Variants in USH2A observed in about 807,000 individuals in gnomAD.
The protein encoded by USH2A is Usher syndrome 2A (autosomal recessive, mild).
A neutral mutation model predicts 538.9 loss-of-function variants in USH2A; 443 were observed. The observed-to-expected ratio is 0.82, with a 90% CI of 0.76 to 0.89. The LOEUF is 0.89. USH2A is among the 40% of genes least tolerant of loss of function. The pLI is 0.00. For missense variants in USH2A, 6,633 were observed against 6,324.8 expected (o/e 1.05, Z -1.65); for synonymous variants, 2,413 against 2,273.5 (o/e 1.06, Z -1.75).
intron 21 of USH2A, among the ~76,000 whole-genome samples, chr1:216,124,282 T>G (rs115635649): frequency 6.6e-6 from 1 of 152,144 alleles, no homozygotes; most frequent in Non-Finnish European, 1.5e-5. Context: ...GACAACAATA[T>G]ATTAGCCAAA....
At chr1:215,643,056 C>T (rs553521506) in intron 67 of USH2A, among the ~76,000 whole-genome samples, 14 of 152,254 alleles carry the variant, frequency 9.2e-5, no homozygotes, top group African/African-American at 2.4e-4. Flanking sequence ...AGTGCAGTGG[C>T]GCTATCTCGG....
chr1:216,209,762 C>A (rs1266149984), intron 15 of USH2A, among the ~76,000 whole-genome samples: 1 of 152,118 alleles, frequency 6.6e-6, no homozygotes, highest in Non-Finnish European at 1.5e-5. Context: ...GGTCTTTTAT[C>A]CAAGGGTCCT....
At chr1:215,733,989 T>C (rs562407973) in intron 60 of USH2A, among the ~76,000 whole-genome samples, 1 of 152,342 alleles carries the variant, frequency 6.6e-6, no homozygotes, top group African/African-American at 2.4e-5. Flanking sequence ...AGCGCCCTGA[T>C]GGAGACTCTG....
Position 215,934,748 on chromosome 1 carries a change from C to A in USH2A, c.7168G>T (p.Gly2390Ter), listed in dbSNP as rs376983577. ...AGCACCCAAAGGTTTGTCTCTTCTCCGCTGTACATGACTTTTGTGACATTC... is the reference window on the plus strand; with the variant it reads ...AGCACCCAAAGGTTTGTCTCTTCTCAGCTGTACATGACTTTTGTGACATTC... ...LLNVTKVMYS[G>*]EETNLWVLID... is the part of the protein sequence containing the mutation. Residue 2390 changes from glycine (G) to a stop codon, truncating the protein, a stop_gained, in exon 38 of 72, where the codon GGA becomes TGA. Transcript: ENST00000307340. LOFTEE classifies it high-confidence loss of function. 3 of 1,612,608 alleles carry A rather than the reference C, an allele frequency of 1.9e-6. No individual in the cohort carries two copies. The highest frequency in any genetic ancestry group is 2.5e-6 in the Non-Finnish European group (3 of 1,179,018).
At chr1:216,032,997 G>C (rs1319322231) in intron 32 of USH2A, among the ~76,000 whole-genome samples, 1 of 152,168 alleles carries the variant, frequency 6.6e-6, no homozygotes. Flanking sequence ...AGAACTTTGA[G>C]TTAGTACAAG....
chr1:216,099,160 C>T (rs1237637137), intron 21 of USH2A, among the ~76,000 whole-genome samples: 3 of 152,158 alleles, frequency 2.0e-5, no homozygotes, highest in Non-Finnish European at 4.4e-5. Flanking sequence ...GCATCTCCAT[C>T]TTCTACGTTT....
chr1:215,912,574 G>T (rs999948931), intron 38 of USH2A, among the ~76,000 whole-genome samples: 22 of 149,292 alleles, frequency 1.5e-4, no homozygotes, highest in Admixed American at 7.4e-4. Flanking sequence ...TATGCAAAGT[G>T]AACTAGTCAC....
intron 61 of USH2A, among the ~76,000 whole-genome samples, chr1:215,682,933 G>C (rs1296693902): frequency 6.6e-6 from 1 of 151,244 alleles, no homozygotes; most frequent in Non-Finnish European, 1.5e-5. Flanking sequence ...ATCATGGCTC[G>C]GTGCAGCCTT....
intron 32 of USH2A, among the ~76,000 whole-genome samples, chr1:216,010,108 A>C (rs1331711289): frequency 6.6e-6 from 1 of 152,164 alleles, no homozygotes; most frequent in East Asian, 1.9e-4. Context: ...ACCCCACAAC[A>C]GGATTTAATT....
At chr1:215,788,968 C>A (rs565526904) in intron 51 of USH2A, among the ~76,000 whole-genome samples, 1 of 129,318 alleles carries the variant, frequency 7.7e-6, no homozygotes, top group African/African-American at 2.8e-5. Context: ...GGAATCAACA[C>A]AGGAAAGAGG....
Position 216,324,165 on chromosome 1 carries a change from T to C in USH2A, c.1328+3A>G. The C allele has an allele frequency of 6.2e-7, 1 of 1,612,606 alleles. No homozygotes were observed. Among genetic ancestry groups the C allele is most frequent in the Non-Finnish European group, 8.5e-7 (1 of 1,179,246 alleles). ...TAAATTAATTGTTTAAAAATATTCA[T>C]ACTTGGAAAGCTGAAGACAGTTGAC... On this transcript the variant is annotated splice_donor_region_variant and intron_variant, in intron 7 of 71. Transcript: ENST00000307340.
intron 4 of USH2A, among the ~76,000 whole-genome samples, chr1:216,355,951 T>A (rs926568971): frequency 1.3e-5 from 2 of 151,958 alleles, no homozygotes; most frequent in Admixed American, 6.6e-5. Context: ...CTAACATGAA[T>A]CAAACATGTG....
chr1:216,350,720 A>G (rs528344301), intron 4 of USH2A, among the ~76,000 whole-genome samples: 51 of 152,194 alleles, frequency 3.4e-4, no homozygotes, highest in African/African-American at 1.1e-3. Context: ...GGCTGCTCTC[A>G]TATGCTGGCA....
intron 38 of USH2A, among the ~76,000 whole-genome samples, chr1:215,925,535 T>G (rs1359550440): frequency 6.6e-6 from 1 of 152,102 alleles, no homozygotes. Context: ...AACCATCTGT[T>G]TATGTGGTAG....
chr1:215,689,360 C>A (rs900514287), intron 61 of USH2A, among the ~76,000 whole-genome samples: 2 of 152,196 alleles, frequency 1.3e-5, no homozygotes, highest in Non-Finnish European at 2.9e-5. Flanking sequence ...CATATGATCT[C>A]TTGATTTTCC....
chr1:216,083,413 GTCCTATATTTTAAAGTAATTTTAA>G lies in USH2A; in HGVS notation c.5298+19_5298+42del. 4.4e-6 allele frequency: 7 copies of G among 1,593,350 alleles called. No individual in the cohort carries two copies. Among genetic ancestry groups the G allele is most frequent in the Non-Finnish European group, 6.0e-6 (7 of 1,166,000 alleles). ...CATGGTTTATTTATTTTAAAGTTGG[GTCCTATATTTTAAAGTAATTTTAA>G]TCAAATTAATTCACATACAGCAAGA... On this transcript the variant is annotated intron_variant, in intron 26 of 71. Coordinates refer to ENST00000307340, the MANE Select transcript of USH2A (RefSeq NM_206933.4).
chr1:215,933,379 C>A (rs1666411207), intron 38 of USH2A, among the ~76,000 whole-genome samples: 1 of 151,678 alleles, frequency 6.6e-6, no homozygotes, highest in African/African-American at 2.4e-5. Flanking sequence ...AATTCAATTC[C>A]CTTTTAAAAT....
chr1:215,821,153 G>A (rs910111862), intron 47 of USH2A, among the ~76,000 whole-genome samples: 1 of 151,688 alleles, frequency 6.6e-6, no homozygotes, highest in Non-Finnish European at 1.5e-5. Context: ...AGTTTCATGA[G>A]GAACCCCCAT....
At chr1:216,371,690 G>A (rs2038718616) in intron 3 of USH2A, among the ~76,000 whole-genome samples, 1 of 152,264 alleles carries the variant, frequency 6.6e-6, no homozygotes, top group Non-Finnish European at 1.5e-5. Flanking sequence ...TGTCTGTCAT[G>A]CAGTGCCTTT....
Sources: gnomAD v4.1 joint callset for allele counts (sites outside exome capture counted in the v4.1 genomes callset) on GRCh38, gnomAD v4.1.1 for gene constraint, MANE v1.5 for transcripts, NCBI Gene and HGNC (gene_info 2026-07-23, HGNC 2026-07-21) for gene names.